Variants in PLA2G7 observed in about 807,000 individuals in gnomAD.
The protein encoded by PLA2G7 is phospholipase A2 group VII.
In PLA2G7, 63 loss-of-function variants were observed where a neutral mutation model predicts 49.6. That is an observed-to-expected ratio of 1.27 (90% CI 1.04 to 1.57). The LOEUF is 1.57. Ranked by LOEUF, PLA2G7 falls within the 40% of genes most tolerant of loss-of-function variation. The pLI, the probability that PLA2G7 is intolerant of heterozygous loss-of-function variation, is 0.00. For synonymous variants in PLA2G7, 193 were observed against 169.9 expected, an observed-to-expected ratio of 1.14 and a Z score of -1.06; for missense variants, 596 against 521.2, an observed-to-expected ratio of 1.14 and a Z score of -1.40.
chr6:46,704,743 T>TGCTC, intron 11 of PLA2G7, 47 bp from the exon 12 acceptor site: 1 of 1,240,930 alleles, frequency 8.1e-7, no homozygotes, highest in Non-Finnish European at 1.2e-6. Flanking sequence ...TTTGAGAGCA[T>TGCTC]TAAACAGTTT....
At chr6:46,720,630 G>A (rs1386006516) in intron 2 of PLA2G7, among the ~76,000 whole-genome samples, 1 of 152,144 alleles carries the variant, frequency 6.6e-6, no homozygotes, top group Non-Finnish European at 1.5e-5. Flanking sequence ...TTAAGGAAGT[G>A]GAAGGAGGAG....
Position 46,711,560 on chromosome 6 carries a change from T to A in PLA2G7, c.599A>T (p.Asp200Val). 1 of 1,613,630 alleles carries A rather than the reference T, an allele frequency of 6.2e-7. No homozygotes were observed. Among genetic ancestry groups the A allele is most frequent in the Non-Finnish European group, 8.5e-7 (1 of 1,179,550 alleles). Residue 200 changes from aspartate (D) to valine (V), a missense_variant, in exon 7 of 12, where the codon GAC becomes GTC. Asp to Val is a radical substitution (Grantham distance 152, BLOSUM62 -3). Coordinates refer to ENST00000274793, the MANE Select transcript of PLA2G7 (RefSeq NM_005084.4). Reference protein sequence around the residue: ...FKDQSAAEIGDKSWLYLRTLK... With the variant: ...FKDQSAAEIGVKSWLYLRTLK... ...GGTTCTAAGGTAGAGCCAAGACTTGTCCCCTATTTCTGCAGCAGATTGGTC... is the reference window on the plus strand; with the variant it reads ...GGTTCTAAGGTAGAGCCAAGACTTGACCCCTATTTCTGCAGCAGATTGGTC...
At chr6:46,733,996 C>T (rs9381476) in intron 1 of PLA2G7, among the ~76,000 whole-genome samples, 30,111 of 152,046 alleles carry the variant, frequency 0.2, 3,392 homozygotes, top group South Asian at 0.46. Flanking sequence ...ATTTATGAGC[C>T]ATACGCACCT....
At chr6:46,732,874 C>T (rs1467497658) in intron 1 of PLA2G7, among the ~76,000 whole-genome samples, 2 of 152,174 alleles carry the variant, frequency 1.3e-5, no homozygotes, top group Admixed American at 1.3e-4. Context: ...CTGAATGTTT[C>T]TCTTCAATTT....
chr6:46,718,306 T>G (rs755828191), intron 2 of PLA2G7, among the ~76,000 whole-genome samples: 1 of 152,250 alleles, frequency 6.6e-6, no homozygotes, highest in Non-Finnish European at 1.5e-5. Flanking sequence ...TGTAATCTTT[T>G]TGGAAGGCAG....
At chr6:46,720,333 G>A (rs1297240981) in intron 2 of PLA2G7, among the ~76,000 whole-genome samples, 1 of 152,230 alleles carries the variant, frequency 6.6e-6, no homozygotes, top group Non-Finnish European at 1.5e-5. Flanking sequence ...TTTCCAATAA[G>A]TTAGGAGTGC....
intron 1 of PLA2G7, among the ~76,000 whole-genome samples, chr6:46,729,167 C>T (rs971563448): frequency 1.3e-5 from 2 of 152,168 alleles, no homozygotes; most frequent in Admixed American, 1.3e-4. Flanking sequence ...GTACAAGCAA[C>T]AGGCACAGAT....
At chr6:46,717,361 C>A (rs537081137) in intron 2 of PLA2G7, among the ~76,000 whole-genome samples, 57 of 152,300 alleles carry the variant, frequency 3.7e-4, no homozygotes, top group African/African-American at 1.2e-3. Context: ...TGCAGCCTTG[C>A]CCTCTCATTC....
intron 10 of PLA2G7, 62 bp from the exon 11 acceptor site, chr6:46,705,363 A>G: frequency 2.2e-6 from 3 of 1,380,328 alleles, no homozygotes; most frequent in Non-Finnish European, 3.1e-6. Context: ...TTTTTTAGTT[A>G]GAGTGTAAGA....
intron 5 of PLA2G7, among the ~76,000 whole-genome samples, chr6:46,713,432 C>A (rs1765097685): frequency 6.6e-6 from 1 of 152,108 alleles, no homozygotes; most frequent in South Asian, 2.1e-4. Flanking sequence ...TAGCCATAGA[C>A]AGTGTACAAA....
At chr6:46,731,949 C>T (rs530694467) in intron 1 of PLA2G7, among the ~76,000 whole-genome samples, 1 of 152,270 alleles carries the variant, frequency 6.6e-6, no homozygotes, top group Admixed American at 6.5e-5. Flanking sequence ...CTTCTTCTGT[C>T]CCCTCTCCTT....
chr6:46,711,620 C>T lies in PLA2G7; in HGVS notation c.540-1G>A. On this transcript the variant is annotated splice_acceptor_variant, in intron 6 of 11. Coordinates refer to ENST00000274793, the MANE Select transcript of PLA2G7 (RefSeq NM_005084.4). LOFTEE classifies it high-confidence loss of function. Reference sequence around the variant, plus strand: ...GTAAGTTGCAGATGCAGATCTATCTCTATAATACAAGCAAAATTATTATTT... The same window carrying T: ...GTAAGTTGCAGATGCAGATCTATCTTTATAATACAAGCAAAATTATTATTT... 6.2e-7 allele frequency: 1 copy of T among 1,613,400 alleles called. No individual in the cohort carries two copies. The highest frequency in any genetic ancestry group is 8.5e-7 in the Non-Finnish European group (1 of 1,179,454).
At chr6:46,707,717 C>A (rs2150692037) in intron 10 of PLA2G7, among the ~76,000 whole-genome samples, 1 of 152,300 alleles carries the variant, frequency 6.6e-6, no homozygotes, top group Middle Eastern at 3.4e-3. Context: ...AATGAAACCT[C>A]TTTTCTTTAT....
intron 10 of PLA2G7, 72 bp from the exon 11 acceptor site, chr6:46,705,373 A>G: frequency 8.1e-7 from 1 of 1,236,472 alleles, no homozygotes; most frequent in Non-Finnish European, 1.2e-6. Context: ...AGAGTGTAAG[A>G]AAGGTACTGG....
rs908936397 is a variant in PLA2G7 at position 46,723,361 on chromosome 6, C to T, written c.-34-436G>A. ...ATTTAATTATATAGTGACTATATTT[C>T]TGCTGCTGTGGTTGTTTTGGGTGTT... is the stretch of plus-strand genomic sequence containing the variant. On this transcript the variant is annotated intron_variant, in intron 1 of 11. Transcript: ENST00000274793. 3.9e-5 allele frequency among the ~76,000 whole-genome samples: 6 copies of T among 152,166 alleles called. No homozygotes were observed. In the South Asian group the frequency reaches 1.2e-3, roughly 32 times the overall value.
intron 3 of PLA2G7, 103 bp downstream of exon 3, chr6:46,716,872 C>T: frequency 1.7e-6 from 2 of 1,180,016 alleles, no homozygotes; most frequent in Non-Finnish European, 2.5e-6. Flanking sequence ...CAAAATGAGT[C>T]ATTCTCAGGT....
intron 9 of PLA2G7, among the ~76,000 whole-genome samples, chr6:46,708,554 TA>T (rs1270299781): frequency 2.0e-5 from 3 of 152,186 alleles, no homozygotes; most frequent in Non-Finnish European, 4.4e-5. Flanking sequence ...ATTATAGCTT[TA>T]TTAGAGTAAC....
intron 10 of PLA2G7, among the ~76,000 whole-genome samples, chr6:46,707,164 G>A (rs1441649843): frequency 1.3e-5 from 2 of 152,066 alleles, no homozygotes; most frequent in Non-Finnish European, 2.9e-5. Context: ...TAGCTTTGGG[G>A]AATTTATAAA....
At chr6:46,715,015 G>A (rs546925574) in intron 4 of PLA2G7, among the ~76,000 whole-genome samples, 2 of 152,172 alleles carry the variant, frequency 1.3e-5, no homozygotes, top group East Asian at 1.9e-4. Context: ...GATTACAGGC[G>A]TGAGCCACCG....
Sources: allele counts gnomAD v4.1 joint callset (sites outside exome capture counted in the v4.1 genomes callset), GRCh38; gene constraint gnomAD v4.1.1; transcripts MANE v1.5; gene names NCBI Gene and HGNC (gene_info 2026-07-23, HGNC 2026-07-21).